KIF15: variants seen among roughly 807,000 people sequenced by gnomAD.
KIF15 encodes kinesin family member 15.
KIF15 carries 140 observed loss-of-function variants against 190.6 expected under a neutral mutation model. The observed-to-expected ratio is 0.73, with a 90% CI of 0.64 to 0.84. The LOEUF (loss-of-function observed/expected upper bound fraction) is 0.84. Among genes scored for constraint, KIF15 ranks in the 40% least tolerant of loss-of-function variants. The pLI is 0.00. For synonymous variants in KIF15, 528 were observed against 551.3 expected, an observed-to-expected ratio of 0.96 and a Z score of 0.59; for missense variants, 1,372 against 1,584.4, an observed-to-expected ratio of 0.87 and a Z score of 2.28.
intron 2 of KIF15, 64 bp downstream of exon 2, chr3:44,774,501 C>T (rs567970043): frequency 7.2e-7 from 1 of 1,390,900 alleles, no homozygotes; most frequent in South Asian, 1.2e-5. Context: ...TTTAAAATAA[C>T]CATTTAGCAT....
chr3:44,785,880 G>C (rs571618064), intron 6 of KIF15, among the ~76,000 whole-genome samples: 1 of 152,254 alleles, frequency 6.6e-6, no homozygotes, highest in South Asian at 2.1e-4. Flanking sequence ...CCTCTAGGGT[G>C]CCTGGCACCA....
intron 3 of KIF15, 147 bp from the exon 4 acceptor site, chr3:44,777,968 A>T (rs1705975328): frequency 1.5e-6 from 1 of 658,432 alleles, no homozygotes. Flanking sequence ...TGTAAAGTTG[A>T]ATCATCTTAG....
intron 26 of KIF15, among the ~76,000 whole-genome samples, chr3:44,831,638 A>G (rs2125700610): frequency 6.6e-6 from 1 of 152,322 alleles, no homozygotes; most frequent in African/African-American, 2.4e-5. Flanking sequence ...TAAGCAGTAC[A>G]GGTTAATTTG....
chr3:44,846,058 G>A (rs1698835201), intron 30 of KIF15, among the ~76,000 whole-genome samples: 1 of 152,156 alleles, frequency 6.6e-6, no homozygotes, highest in South Asian at 2.1e-4. Context: ...GTTCTAAAGA[G>A]CCTGTCTTTC....
intron 6 of KIF15, among the ~76,000 whole-genome samples, chr3:44,860,118 G>A (rs1699223919): frequency 6.6e-6 from 1 of 152,236 alleles, no homozygotes; most frequent in Admixed American, 6.5e-5. Context: ...CGGCTTTACA[G>A]AGGAGGTGGC....
At chr3:44,772,261 G>C (rs1705675635) in intron 1 of KIF15, among the ~76,000 whole-genome samples, 1 of 152,154 alleles carries the variant, frequency 6.6e-6, no homozygotes, top group Non-Finnish European at 1.5e-5. Flanking sequence ...CTAGTAAACA[G>C]GTATAGCTAG....
At chr3:44,842,311 G>A (rs1698647855) in intron 29 of KIF15, among the ~76,000 whole-genome samples, 1 of 152,048 alleles carries the variant, frequency 6.6e-6, no homozygotes. Context: ...CTGAGTAGTG[G>A]GGTGTGCACA....
At chr3:44,810,522 G>A (rs1033216225) in intron 16 of KIF15, among the ~76,000 whole-genome samples, 8 of 151,932 alleles carry the variant, frequency 5.3e-5, no homozygotes, top group African/African-American at 2.4e-5. Context: ...AGCCTCCCAC[G>A]GTGTTGGGAT....
chr3:44,790,208 C>T (rs900774657), intron 7 of KIF15, among the ~76,000 whole-genome samples: 2 of 151,428 alleles, frequency 1.3e-5, no homozygotes, highest in Admixed American at 1.3e-4. Flanking sequence ...GACGGAGTCT[C>T]ACTCTCTCTC....
intron 4 of KIF15, among the ~76,000 whole-genome samples, chr3:44,778,838 T>C (rs894019946): frequency 6.6e-6 from 1 of 151,304 alleles, no homozygotes; most frequent in Non-Finnish European, 1.5e-5. Context: ...AAAAAATAGC[T>C]GGATGTGGTA....
Position 44,810,927 on chromosome 3 carries a change from T to C in KIF15, c.2053T>C (p.Ser685Pro). ...KLSPEMGSFG[S>P]LYTQNSSILD... is the part of the protein sequence containing the mutation. ...AAGCCCTGAAATGGGAAGCTTTGGC[T>C]CTCTATACACTCAGAATTCTAGCAT... Residue 685 changes from serine to proline, a missense_variant, in exon 17 of 35, where the codon TCT (serine) becomes CCT (proline). Ser to Pro is a moderately conservative substitution (Grantham distance 74). Coordinates refer to ENST00000326047, the MANE Select transcript of KIF15 (RefSeq NM_020242.3). 1 of 1,613,846 alleles carries C rather than the reference T, an allele frequency of 6.2e-7. No individual in the cohort carries two copies. The highest frequency in any genetic ancestry group is 8.5e-7 in the Non-Finnish European group (1 of 1,179,884).
At chr3:44,827,662 G>T (rs1054979386) in intron 23 of KIF15, 134 bp downstream of exon 23, 2 of 521,796 alleles carry the variant, frequency 3.8e-6, no homozygotes, top group Non-Finnish European at 6.8e-6. Flanking sequence ...TTTGGGGCTG[G>T]TTCTATTATT....
At chr3:44,823,937 G>C (rs1697502903) in intron 20 of KIF15, among the ~76,000 whole-genome samples, 1 of 152,204 alleles carries the variant, frequency 6.6e-6, no homozygotes, top group Non-Finnish European at 1.5e-5. Context: ...CCTTGGCTAG[G>C]AAAGGGAAAT....
At position 44,765,299 on chromosome 3, in the gene KIF15, A is replaced by G. The variant is rs568165118; in HGVS notation, c.19+3415A>G. Among the ~76,000 whole-genome samples the G allele has an allele frequency of 2.6e-5, 4 of 152,366 alleles. No individual in the cohort carries two copies. In the East Asian group the frequency reaches 7.7e-4, roughly 29 times the overall value. On this transcript the variant is annotated intron_variant, in intron 1 of 34. Coordinates refer to ENST00000326047, the MANE Select transcript of KIF15 (RefSeq NM_020242.3). ...CTAATCATTTTCCATCTGATCAGTT[A>G]CAGAGATCTCTGCAGAAATGAAGAG... is the stretch of plus-strand genomic sequence containing the variant.
rs777826164 is a variant in KIF15 at position 44,797,851 on chromosome 3, T to C, written c.993T>C (p.Asn331=). 9.3e-6 allele frequency: 15 copies of C among 1,613,694 alleles called. No individual in the cohort carries two copies. In the East Asian group the frequency reaches 2.7e-4, roughly 29 times the overall value. The part of the protein sequence containing the change: ...TFLLRDSLGG[N]AKTAIIANVH... Reference sequence around the variant, plus strand: ...TTAAACAGGATTCCCTTGGAGGTAATGCCAAAACAGCCATAATTGCAAATG... The same window carrying C: ...TTAAACAGGATTCCCTTGGAGGTAACGCCAAAACAGCCATAATTGCAAATG... Residue 331 remains asparagine, a synonymous_variant, in exon 10 of 35, where the codon AAT becomes AAC. Transcript: ENST00000326047.
rs547572565 is a variant in KIF15 at position 44,829,374 on chromosome 3, A to ATGTG, written c.2944-575_2944-572dup. Among the ~76,000 whole-genome samples the ATGTG allele has an allele frequency of 4.5e-3, 618 of 136,832 alleles. 2 individuals are homozygous for ATGTG. The highest frequency in any genetic ancestry group is 6.5e-3 in the Non-Finnish European group (424 of 65,028). The allele number at this position is 136,832 out of a possible 152,430, so 89.8% of individuals were successfully genotyped here. ...TCCATCTCAAAAAATATATATATAT[A>ATGTG]TGTGTGTGTGTGTGTGTGTGTGTGT... On this transcript the variant is annotated intron_variant, in intron 24 of 34. Transcript: ENST00000326047.
At position 44,801,462 on chromosome 3, in the gene KIF15, C is replaced by G. The variant is rs951221076; in HGVS notation, c.1235C>G (p.Thr412Ser). The change falls in exon 12 of 35, where the codon ACT (threonine) becomes AGT (serine). Residue 412 changes from threonine to serine, a missense_variant. Physicochemically the swap from Thr to Ser is moderately conservative, Grantham distance 58. Coordinates refer to ENST00000326047, the MANE Select transcript of KIF15 (RefSeq NM_020242.3). ...ESFLTRDKKK[T>S]NYMEYFQEAM... is the part of the protein sequence containing the mutation. ...GGATCAATTACAGACAAAAAGAAGA[C>G]TAACTATATGGAGTATTTCCAGGAA... 5.1e-6 allele frequency: 8 copies of G among 1,561,336 alleles called. No individual in the cohort carries two copies. The highest frequency in any genetic ancestry group is 1.7e-4 in the Middle Eastern group (1 of 5,930).
chr3:44,804,560 T>C (rs1261944986), intron 14 of KIF15, among the ~76,000 whole-genome samples: 5 of 152,176 alleles, frequency 3.3e-5, no homozygotes, highest in Admixed American at 3.3e-4. Context: ...CTTTCGTCAT[T>C]GTTTGTTCTT....
intron 6 of KIF15, chr3:44,864,189 T>C (rs765210286): frequency 6.2e-7 from 1 of 1,613,710 alleles, no homozygotes; most frequent in East Asian, 2.2e-5. Context: ...TGACACTTTC[T>C]CCTGCAGGTG....
Sources: gnomAD v4.1 joint callset for allele counts (sites outside exome capture counted in the v4.1 genomes callset) on GRCh38, gnomAD v4.1.1 for gene constraint, MANE v1.5 for transcripts, NCBI Gene and HGNC (gene_info 2026-07-23, HGNC 2026-07-21) for gene names.